Variants in MCPH1 observed in about 807,000 individuals in gnomAD.
The protein encoded by MCPH1 is microcephalin 1.
In MCPH1, 104 loss-of-function variants were observed where a neutral mutation model predicts 84.5. The ratio of observed to expected loss-of-function variants is 1.23; its 90% CI spans 1.05 to 1.45. The LOEUF is 1.45. MCPH1 is among the 40% of genes most tolerant of loss of function. MCPH1 has a pLI of 0.00. For synonymous variants in MCPH1, 514 were observed against 366.8 expected (o/e 1.40, Z -4.58); for missense variants, 1,498 against 1,005.7 (o/e 1.49, Z -6.62).
intron 7 of MCPH1, among the ~76,000 whole-genome samples, chr8:6,443,040 T>A (rs1464249905): frequency 6.6e-6 from 1 of 152,238 alleles, no homozygotes; most frequent in African/African-American, 2.4e-5. Context: ...TAGCTAACAT[T>A]GATTTCATTT....
At chr8:6,447,129 C>T (rs1804509584) in intron 8 of MCPH1, 1 of 985,292 alleles carries the variant, frequency 1.0e-6, no homozygotes, top group African/African-American at 1.7e-5. Flanking sequence ...GGTTCTAGGA[C>T]ATAAAAAGAC....
At chr8:6,574,779 G>C (rs28675896) in intron 12 of MCPH1, among the ~76,000 whole-genome samples, 4,237 of 152,236 alleles carry the variant, frequency 0.028, 194 homozygotes, top group African/African-American at 0.095. Context: ...AGTGAAGGAA[G>C]ACCTGCAGGA....
At chr8:6,563,121 A>T (rs888577827) in intron 12 of MCPH1, 1 of 560,414 alleles carries the variant, frequency 1.8e-6, no homozygotes, top group Non-Finnish European at 3.1e-6. Flanking sequence ...CTCTCCAGGC[A>T]TGCAGTAAAC....
chr8:6,433,241 G>A (rs1423031832), intron 4 of MCPH1, among the ~76,000 whole-genome samples: 1 of 152,072 alleles, frequency 6.6e-6, no homozygotes, highest in Admixed American at 6.5e-5. Flanking sequence ...CCACATATTT[G>A]AGTTTATTTC....
At chr8:6,486,919 A>G (rs1809998209) in intron 11 of MCPH1, among the ~76,000 whole-genome samples, 1 of 152,206 alleles carries the variant, frequency 6.6e-6, no homozygotes, top group African/African-American at 2.4e-5. Flanking sequence ...TGATTCCTGC[A>G]CTTTCCTGTG....
intron 12 of MCPH1, among the ~76,000 whole-genome samples, chr8:6,529,862 T>C (rs1287031396): frequency 6.9e-6 from 1 of 145,554 alleles, no homozygotes; most frequent in African/African-American, 2.5e-5. Flanking sequence ...GATAACATGA[T>C]ATCTAGTTTC....
intron 13 of MCPH1, among the ~76,000 whole-genome samples, chr8:6,631,021 C>CT (rs1477866776): frequency 2.0e-5 from 3 of 152,106 alleles, no homozygotes; most frequent in Non-Finnish European, 4.4e-5. Flanking sequence ...TGCAGGTGCT[C>CT]TAAAAGGTGC....
intron 12 of MCPH1, among the ~76,000 whole-genome samples, chr8:6,576,815 G>A (rs1471446896): frequency 7.0e-6 from 1 of 143,670 alleles, no homozygotes; most frequent in Non-Finnish European, 1.5e-5. Flanking sequence ...CACCCGCCTC[G>A]GCCTCCTAAA....
At chr8:6,531,795 C>T (rs576771826) in intron 12 of MCPH1, among the ~76,000 whole-genome samples, 10 of 80,306 alleles carry the variant, frequency 1.2e-4, no homozygotes, top group African/African-American at 3.8e-4. Context: ...GGCTCTTGCT[C>T]GGGCGTAGCA....
At chr8:6,576,301 C>A (rs1442464388) in intron 12 of MCPH1, among the ~76,000 whole-genome samples, 6 of 152,136 alleles carry the variant, frequency 3.9e-5, no homozygotes, top group African/African-American at 1.4e-4. Flanking sequence ...TCATGAAGAG[C>A]CTGTTTCTCT....
chr8:6,582,766 T>C (rs138791442), intron 12 of MCPH1, among the ~76,000 whole-genome samples: 1,690 of 152,282 alleles, frequency 0.011, 33 homozygotes, highest in African/African-American at 0.039. Context: ...TTCTCTACTG[T>C]TTCGCTTGGA....
At chr8:6,552,889 G>A (rs1452237205) in intron 12 of MCPH1, among the ~76,000 whole-genome samples, 1 of 151,762 alleles carries the variant, frequency 6.6e-6, no homozygotes, top group Non-Finnish European at 1.5e-5. Context: ...GATTCCAACT[G>A]TATGACATTC....
intron 8 of MCPH1, among the ~76,000 whole-genome samples, chr8:6,452,145 T>G (rs2129556515): frequency 1.3e-5 from 2 of 152,364 alleles, no homozygotes; most frequent in Admixed American, 1.3e-4. Context: ...GTCCTTATAC[T>G]GTCTTGCCCT....
rs1798088531 is a variant in MCPH1 at position 6,643,930 on chromosome 8, A to C, written c.*881A>C. On this transcript the variant is annotated 3_prime_UTR_variant, in exon 14 of 14. Coordinates refer to ENST00000344683, the MANE Select transcript of MCPH1 (RefSeq NM_024596.5). ...TTTTGCCTGCCGTCCTCGAGATGAAATTGGCAGTTGGGGCTGATTCACAGA... is the reference window on the plus strand; with the variant it reads ...TTTTGCCTGCCGTCCTCGAGATGAACTTGGCAGTTGGGGCTGATTCACAGA... 6.6e-6 allele frequency: 1 copy of C among 152,252 alleles called. No individual in the cohort carries two copies. Among genetic ancestry groups the C allele is most frequent in the African/African-American group, 2.4e-5 (1 of 41,422 alleles). 9.4% of individuals were successfully genotyped at this position (152,252 alleles called of 1,614,324 possible).
rs11280683 is a variant in MCPH1, at chr8:6,609,819, G to GCCCCCC, written c.2215-11630_2215-11625dup. On this transcript the variant is annotated intron_variant, in intron 12 of 13. Coordinates refer to ENST00000344683, the MANE Select transcript of MCPH1 (RefSeq NM_024596.5). ...TCTCATTATCAAAGCAATGCCCCCCGCCCCCCCCCCACACACAGACTGCCA... is the reference window on the plus strand; with the variant it reads ...TCTCATTATCAAAGCAATGCCCCCCGCCCCCCCCCCCCCCCCACACACAGACTGCCA... 2.1e-3 allele frequency among the ~76,000 whole-genome samples: 221 copies of GCCCCCC among 103,968 alleles called. 2 individuals carry two copies. The highest frequency in any genetic ancestry group is 4.0e-3 in the Non-Finnish European group (173 of 43,564). 68.2% of individuals were successfully genotyped at this position (103,968 alleles called of 152,430 possible).
chr8:6,580,305 A>G (rs1240732943), intron 12 of MCPH1, among the ~76,000 whole-genome samples: 1 of 151,996 alleles, frequency 6.6e-6, no homozygotes, highest in African/African-American at 2.4e-5. Context: ...AGCCCTTCGC[A>G]GATGCTCACA....
chr8:6,548,459 C>G (rs541649626), intron 12 of MCPH1, among the ~76,000 whole-genome samples: 2 of 152,174 alleles, frequency 1.3e-5, no homozygotes, highest in African/African-American at 2.4e-5. Flanking sequence ...GTCGCTAGCT[C>G]TCCTCTGCCC....
intron 12 of MCPH1, among the ~76,000 whole-genome samples, chr8:6,503,446 C>A (rs1342196724): frequency 6.6e-6 from 1 of 152,202 alleles, no homozygotes; most frequent in African/African-American, 2.4e-5. Flanking sequence ...CCCATGACAT[C>A]ACAGTTCCAT....
intron 12 of MCPH1, among the ~76,000 whole-genome samples, chr8:6,535,892 C>CA (rs373792367): frequency 0.011 from 1,408 of 130,794 alleles, 8 homozygotes; most frequent in Non-Finnish European, 0.015. Flanking sequence ...ACAAAAAATA[C>CA]AAAAAAAAAA....
Sources: allele counts gnomAD v4.1 joint callset (sites outside exome capture counted in the v4.1 genomes callset), GRCh38; gene constraint gnomAD v4.1.1; transcripts MANE v1.5; gene names NCBI Gene and HGNC (gene_info 2026-07-23, HGNC 2026-07-21).